Variants in TMX1 observed in about 807,000 individuals in gnomAD.
TMX1 encodes the protein thioredoxin related transmembrane protein 1, also known as thioredoxin-related transmembrane protein 1.
TMX1 carries 25 observed loss-of-function variants against 36.6 expected under a neutral mutation model. The observed-to-expected ratio is 0.68, with a 90% confidence interval of 0.50 to 0.95. TMX1 has a LOEUF of 0.95. Ranked by LOEUF, TMX1 falls within the 40% of genes least tolerant of loss-of-function variation. The probability of loss-of-function intolerance (pLI) is 0.00; values close to 1 mark genes in which losing one functional copy is unlikely to be tolerated. For synonymous variants in TMX1, 133 were observed against 118.0 expected, an observed-to-expected ratio of 1.13 and a Z score of -0.82; for missense variants, 347 against 339.6, an observed-to-expected ratio of 1.02 and a Z score of -0.17.
Position 51,240,290 on chromosome 14 carries a change from G to C in TMX1, c.-3G>C, listed in dbSNP as rs758794811. ...GCTCCCTGTGAGGTGGGCAAGCGGC[G>C]AAATGGCGCCCTCCGGGAGTCTTGC... On this transcript the variant is annotated 5_prime_UTR_variant, in exon 1 of 8. Coordinates refer to ENST00000457354, the MANE Select transcript of TMX1 (RefSeq NM_030755.5). 7 of 1,609,480 alleles carry C rather than the reference G, an allele frequency of 4.3e-6. No homozygotes were observed. In the Admixed American group the frequency reaches 5.0e-5, roughly 11 times the overall value.
rs1398864376 is a variant in TMX1, at chr14:51,256,536, A to G, written c.*2017A>G. On this transcript the variant is annotated 3_prime_UTR_variant, in exon 8 of 8. Coordinates refer to ENST00000457354, the MANE Select transcript of TMX1 (RefSeq NM_030755.5). ...AAGAATAAGGTATAGTAAAAGTAAT[A>G]TCCTGGAGAATTCTGGGCCACCTAC... is the stretch of plus-strand genomic sequence containing the variant. 1 of 152,252 alleles carries G rather than the reference A, an allele frequency of 6.6e-6. No homozygotes were observed. Among genetic ancestry groups the G allele is most frequent in the East Asian group, 1.9e-4 (1 of 5,206 alleles). The allele number at this position is 152,252 out of a possible 1,614,324, so 9.4% of individuals were successfully genotyped here. A position where few individuals can be genotyped will look rare whatever the true frequency, so the allele number is the denominator to read the frequency against.
chr14:51,250,832 C>CGAAAT (rs2065808710), intron 7 of TMX1, among the ~76,000 whole-genome samples: 1 of 152,094 alleles, frequency 6.6e-6, no homozygotes, highest in African/African-American at 2.4e-5. Context: ...TCAAAATTTC[C>CGAAAT]GAAATGAAGT....
intron 7 of TMX1, among the ~76,000 whole-genome samples, chr14:51,251,627 C>T (rs2065814157): frequency 6.6e-6 from 1 of 152,154 alleles, no homozygotes; most frequent in South Asian, 2.1e-4. Context: ...TCCTGTCTCC[C>T]AAGAGTTTAC....
chr14:51,247,414 T>C (rs1464014284), intron 4 of TMX1, among the ~76,000 whole-genome samples, 194 bp downstream of exon 4: 1 of 144,616 alleles, frequency 6.9e-6, no homozygotes, highest in African/African-American at 2.6e-5. Flanking sequence ...TGGAGTGCAG[T>C]GGCGCAATCT....
chr14:51,248,409 C>T (rs1254151173), intron 4 of TMX1, among the ~76,000 whole-genome samples: 1 of 152,182 alleles, frequency 6.6e-6, no homozygotes, highest in Non-Finnish European at 1.5e-5. Context: ...GCCCTGTTAA[C>T]ACTCACCCAT....
chr14:51,245,401 T>C (rs2065781085), intron 3 of TMX1, 43 bp downstream of exon 3: 3 of 1,610,308 alleles, frequency 1.9e-6, no homozygotes, highest in Non-Finnish European at 1.7e-6. Context: ...GGATGCATTA[T>C]AGTGTAATCA....
intron 1 of TMX1, 97 bp from the exon 2 acceptor site, chr14:51,243,759 T>C (rs1411912309): frequency 3.5e-5 from 30 of 857,550 alleles, no homozygotes; most frequent in Non-Finnish European, 2.8e-5. Flanking sequence ...TCATATGAAA[T>C]ATTCTTCATA....
At chr14:51,247,241 T>C in intron 4 of TMX1, 21 bp downstream of exon 4, 2 of 1,596,012 alleles carry the variant, frequency 1.3e-6, no homozygotes, top group Non-Finnish European at 1.7e-6. Flanking sequence ...GGGCTTTTTC[T>C]CTTACCCATT....
intron 3 of TMX1, among the ~76,000 whole-genome samples, chr14:51,246,502 A>G (rs1324633187): frequency 6.6e-6 from 1 of 152,174 alleles, no homozygotes; most frequent in Non-Finnish European, 1.5e-5. Flanking sequence ...TGGAGCCAAG[A>G]GAACATTTGT....
intron 1 of TMX1, among the ~76,000 whole-genome samples, chr14:51,242,640 C>T (rs895593305): frequency 6.6e-6 from 1 of 151,986 alleles, no homozygotes; most frequent in African/African-American, 2.4e-5. Flanking sequence ...ATTAGCTGGG[C>T]GTGTGGGCAG....
intron 1 of TMX1, among the ~76,000 whole-genome samples, chr14:51,241,748 G>C (rs1237465495): frequency 6.6e-6 from 1 of 152,168 alleles, no homozygotes; most frequent in African/African-American, 2.4e-5. Context: ...AATACAGCAA[G>C]GGTTGTCAAG....
chr14:51,249,826 A>G, intron 7 of TMX1, 61 bp downstream of exon 7: 1 of 1,290,286 alleles, frequency 7.8e-7, no homozygotes. Flanking sequence ...TTCTGTAATC[A>G]CAATCACACA....
chr14:51,254,417 A>G lies in TMX1; in HGVS notation c.741A>G (p.Ser247=), dbSNP rs2065829075. The G allele has an allele frequency of 6.2e-7, 1 of 1,609,118 alleles. No individual in the cohort carries two copies. Among genetic ancestry groups the G allele is most frequent in the Non-Finnish European group, 8.5e-7 (1 of 1,175,942 alleles). ...EEQEADEEDV[S]EEEAESKEGT... is the part of the protein sequence containing the mutation. ...AAGAGGCGGATGAAGAAGATGTTTC[A>G]GAAGAAGAAGCTGAAAGTAAAGAAG... The change falls in exon 8 of 8, where the codon TCA becomes TCG. Residue 247 remains serine, a synonymous_variant. Transcript: ENST00000457354.
At chr14:51,250,461 T>C (rs1446446021) in intron 7 of TMX1, among the ~76,000 whole-genome samples, 2 of 143,136 alleles carry the variant, frequency 1.4e-5, no homozygotes, top group Admixed American at 7.2e-5. Flanking sequence ...TGGCCTGATA[T>C]TCCTTCATTT....
Position 51,249,746 on chromosome 14 carries a change from G to A in TMX1, c.645G>A (p.Gln215=). 6.2e-7 allele frequency: 1 copy of A among 1,612,540 alleles called. No homozygotes were observed. Among genetic ancestry groups the A allele is most frequent in the Non-Finnish European group, 8.5e-7 (1 of 1,178,862 alleles). The change falls in exon 7 of 8, where the codon CAG becomes CAA. Residue 215 remains glutamine (Q), a synonymous_variant. Transcript: ENST00000457354. ...CLCPSKRRRP[Q]PYPYPSKKLL... Reference sequence around the variant, plus strand: ...GTCCTTCAAAAAGGCGCAGACCACAGCCGTACCCATACCCTTCAAGTAAGT... The same window carrying A: ...GTCCTTCAAAAAGGCGCAGACCACAACCGTACCCATACCCTTCAAGTAAGT...
rs1281857906 is a variant in TMX1 at position 51,255,217 on chromosome 14, A to G, written c.*698A>G. The G allele has an allele frequency of 1.3e-5, 2 of 151,862 alleles. No homozygotes were observed. The highest frequency in any genetic ancestry group is 2.4e-5 in the African/African-American group (1 of 41,378). The allele number at this position is 151,862 out of a possible 1,614,324, so 9.4% of individuals were successfully genotyped here. A position where few individuals can be genotyped will look rare whatever the true frequency, so the allele number is the denominator to read the frequency against. On this transcript the variant is annotated 3_prime_UTR_variant, in exon 8 of 8. Transcript: ENST00000457354. ...TATGGGTTACATTTTTTATTTTTCA[A>G]ATTGGATGATAATTTCTTGGAAACA...
chr14:51,251,443 G>T (rs2065812901), intron 7 of TMX1, among the ~76,000 whole-genome samples: 1 of 152,146 alleles, frequency 6.6e-6, no homozygotes, highest in Non-Finnish European at 1.5e-5. Flanking sequence ...AGGAGCATCT[G>T]TATTATGTTT....
At chr14:51,249,445 T>TC (rs1280021084) in intron 5 of TMX1, 23 bp from the exon 6 acceptor site, 1 of 1,437,792 alleles carries the variant, frequency 7.0e-7, no homozygotes, top group Non-Finnish European at 9.2e-7. Flanking sequence ...GATTTTTAGT[T>TC]TTTTTTTTTC....
intron 7 of TMX1, among the ~76,000 whole-genome samples, chr14:51,251,567 C>T (rs1329831372): frequency 6.6e-6 from 1 of 152,176 alleles, no homozygotes; most frequent in Non-Finnish European, 1.5e-5. Flanking sequence ...AAAGTACCTA[C>T]TAAGTCATGT....
Sources: allele counts gnomAD v4.1 joint callset (sites outside exome capture counted in the v4.1 genomes callset), GRCh38; gene constraint gnomAD v4.1.1; transcripts MANE v1.5; gene names NCBI Gene and HGNC (gene_info 2026-07-23, HGNC 2026-07-21).